Variants in ATF6B observed in about 807,000 individuals in gnomAD.
ATF6B encodes activating transcription factor 6 beta.
A neutral mutation model predicts 83.5 loss-of-function variants in ATF6B; 50 were observed. The ratio of observed to expected loss-of-function variants is 0.60; its 90% CI spans 0.48 to 0.76. The LOEUF is 0.76. Ranked by LOEUF, ATF6B falls within the 30% of genes least tolerant of loss-of-function variation. The pLI is 0.00. For missense variants in ATF6B, 790 were observed against 893.8 expected, an observed-to-expected ratio of 0.88 and a Z score of 1.48; for synonymous variants, 344 against 362.8, an observed-to-expected ratio of 0.95 and a Z score of 0.59.
Position 32,115,921 on chromosome 6 carries a change from G to A in ATF6B, c.1930C>T (p.Gln644Ter). Residue 644 changes from glutamine to a stop codon, truncating the protein, a stop_gained, in exon 18 of 18, where the codon CAG (glutamine) becomes TAG (stop). Coordinates refer to ENST00000375203, the MANE Select transcript of ATF6B (RefSeq NM_004381.5). LOFTEE classifies it high-confidence loss of function. ...GAPGDYEEMM[Q>*]IECEVMDTRV... is the part of the protein sequence containing the mutation. ...GTGTCCATGACCTCACACTCGATCT[G>A]CATCATCTCCTCATAGTCCCCCGGG... 1 of 1,614,082 alleles carries A rather than the reference G, an allele frequency of 6.2e-7. No individual in the cohort carries two copies. The highest frequency in any genetic ancestry group is 8.5e-7 in the Non-Finnish European group (1 of 1,179,970).
In ATF6B at chr6:32,115,935, T is replaced by C; in HGVS notation, c.1916A>G (p.Tyr639Cys). Residue 639 changes from tyrosine (Y) to cysteine (C), a missense_variant, in exon 18 of 18, where the codon TAT becomes TGT. Tyr to Cys is a radical substitution (Grantham distance 194). This residue lies in a region of ATF6B where 530 missense variants were observed against 632.6 expected (regional missense o/e 0.84). Coordinates refer to ENST00000375203, the MANE Select transcript of ATF6B (RefSeq NM_004381.5). ...TLSGRGAPGD[Y>C]EEMMQIECEV... is the part of the protein sequence containing the mutation. ...ACACTCGATCTGCATCATCTCCTCA[T>C]AGTCCCCCGGGGCCCCACGGCCTGA... The C allele has an allele frequency of 6.2e-7, 1 of 1,613,972 alleles. No homozygotes were observed. The highest frequency in any genetic ancestry group is 1.1e-5 in the South Asian group (1 of 91,026).
chr6:32,116,471 AAG>A lies in ATF6B; in HGVS notation c.1882+7_1882+8del, dbSNP rs1396462323. Reference sequence around the variant, plus strand: ...GAACTGCCCCCATACCCAGCAGGGAAAGAGTTACCATTGGGGGCCATGGCAGG... The same window carrying A: ...GAACTGCCCCCATACCCAGCAGGGAAAGTTACCATTGGGGGCCATGGCAGG... On this transcript the variant is annotated splice_region_variant and intron_variant, in intron 17 of 17. Transcript: ENST00000375203. The surrounding 1 kb of genome is among the most constrained non-coding windows in gnomAD (Gnocchi z 5.1). 2.1e-5 allele frequency: 34 copies of A among 1,609,036 alleles called. No homozygotes were observed. The highest frequency in any genetic ancestry group is 2.7e-5 in the Non-Finnish European group (32 of 1,176,928).
chr6:32,117,340 T>G lies in ATF6B; in HGVS notation c.1597A>C (p.Arg533=), dbSNP rs1475117749. The part of the protein sequence containing the change: ...HQRGRRKIPQ[R]AQERQKSQPR... The stretch of plus-strand genomic sequence containing the variant: ...CGCCCTACCTGTCTCTCCTGGGCCC[T>G]CTGAGGGATCTTCCTCCGGCCTCTC... Residue 533 remains arginine (R), a synonymous_variant, in exon 14 of 18, where the codon AGG becomes CGG. Transcript: ENST00000375203. This position sits in a 1 kb window ranked among gnomAD's most constrained non-coding sequence, Gnocchi z 5.0. 1 of 1,613,974 alleles carries G rather than the reference T, an allele frequency of 6.2e-7. No individual in the cohort carries two copies. Among genetic ancestry groups the G allele is most frequent in the Non-Finnish European group, 8.5e-7 (1 of 1,179,930 alleles).
chr6:32,123,327 T>C (rs777290397), intron 5 of ATF6B, among the ~76,000 whole-genome samples: 4 of 151,708 alleles, frequency 2.6e-5, no homozygotes, highest in Non-Finnish European at 5.9e-5. Flanking sequence ...CTCATGTCCA[T>C]TGAGGGTAAA....
At position 32,115,692 on chromosome 6, in the gene ATF6B, A is replaced by G; in HGVS notation, c.*47T>C. ...AAATTTGAAACAGTCCCACCTGGCCACCTGGTACCCCCTCCCCCCGTTCTA... is the reference window on the plus strand; with the variant it reads ...AAATTTGAAACAGTCCCACCTGGCCGCCTGGTACCCCCTCCCCCCGTTCTA... On this transcript the variant is annotated 3_prime_UTR_variant, in exon 18 of 18. Transcript: ENST00000375203. 1.3e-6 allele frequency: 2 copies of G among 1,497,376 alleles called. No homozygotes were observed. Among genetic ancestry groups the G allele is most frequent in the South Asian group, 1.3e-5 (1 of 76,174 alleles). The allele number at this position is 1,497,376 out of a possible 1,614,324, so 92.8% of individuals were successfully genotyped here. A position where few individuals can be genotyped will look rare whatever the true frequency, so the allele number is the denominator to read the frequency against.
Position 32,115,756 on chromosome 6 carries a change from A to G in ATF6B, c.2095T>C (p.Tyr699His), listed in dbSNP as rs1781500100. The change falls in exon 18 of 18, where the codon TAC becomes CAC. Residue 699 changes from tyrosine (Y) to histidine (H), a missense_variant. Coordinates refer to ENST00000375203, the MANE Select transcript of ATF6B (RefSeq NM_004381.5). Reference sequence around the variant, plus strand: ...GGCAGAGGTCAGGGATGATTGAGGTAGAGGGGCTGGTGGGAGGCCTGGTGG... The same window carrying G: ...GGCAGAGGTCAGGGATGATTGAGGTGGAGGGGCTGGTGGGAGGCCTGGTGG... ...QAHQASHQPLYLNHP is the reference protein window; with the variant it reads ...QAHQASHQPLHLNHP 1.2e-6 allele frequency: 2 copies of G among 1,604,470 alleles called. No homozygotes were observed. The highest frequency in any genetic ancestry group is 1.3e-5 in the African/African-American group (1 of 74,880).
In ATF6B at chr6:32,117,893, G is replaced by T; in HGVS notation, c.1390C>A (p.Pro464Thr). 1 of 1,577,314 alleles carries T rather than the reference G, an allele frequency of 6.3e-7. No homozygotes were observed. The highest frequency in any genetic ancestry group is 8.6e-7 in the Non-Finnish European group (1 of 1,164,972). ...LQGSSQGPKE[P>T]QPSPTDQPSF... The stretch of plus-strand genomic sequence containing the variant: ...GGCTGGTCTGTGGGGCTGGGCTGGG[G>T]CTCCTTAGGGCCCTGGGAGGACCCC... The change falls in exon 12 of 18, where the codon CCC becomes ACC. Residue 464 changes from proline to threonine, a missense_variant. Physicochemically the swap from Pro to Thr is conservative, Grantham distance 38. Around this residue, in one of 3 missense-constraint regions of ATF6B, gnomAD observed 530 missense variants for 632.6 expected, o/e 0.84. Coordinates refer to ENST00000375203, the MANE Select transcript of ATF6B (RefSeq NM_004381.5). This position sits in a 1 kb window ranked among gnomAD's most constrained non-coding sequence, Gnocchi z 5.0.
Position 32,118,319 on chromosome 6 carries a change from G to A in ATF6B, c.1245-281C>T, listed in dbSNP as rs184329444. Among the ~76,000 whole-genome samples, 33 of 152,244 alleles carry A rather than the reference G, an allele frequency of 2.2e-4. No individual in the cohort carries two copies. The highest frequency in any genetic ancestry group is 6.5e-4 in the Admixed American group (10 of 15,292). On this transcript the variant is annotated intron_variant, in intron 11 of 17. Transcript: ENST00000375203. The surrounding 1 kb of genome is among the most constrained non-coding windows in gnomAD (Gnocchi z 5.2). ...AAAATAATGGAGCAGGAGGCCGGGC[G>A]AGGTGGCTCAAGCCTGTAATCCTAG...
intron 5 of ATF6B, among the ~76,000 whole-genome samples, chr6:32,124,314 C>T (rs983158064): frequency 6.6e-6 from 1 of 152,194 alleles, no homozygotes; most frequent in Non-Finnish European, 1.5e-5. Context: ...CACCCACCCA[C>T]AGCCATCCTA....
Position 32,118,861 on chromosome 6 carries a change from G to A in ATF6B, c.1158C>T (p.Ser386=), listed in dbSNP as rs369365218. 6.8e-6 allele frequency: 11 copies of A among 1,614,072 alleles called. No individual in the cohort carries two copies. Among genetic ancestry groups the A allele is most frequent in the Admixed American group, 3.3e-5 (2 of 60,004 alleles). Residue 386 remains serine, a synonymous_variant, in exon 11 of 18, where the codon AGC becomes AGT. Coordinates refer to ENST00000375203, the MANE Select transcript of ATF6B (RefSeq NM_004381.5). This position sits in a 1 kb window ranked among gnomAD's most constrained non-coding sequence, Gnocchi z 5.2. ...RRLEALLAEN[S]ELKLGSGNRK... is the part of the protein sequence containing the mutation. Reference sequence around the variant, plus strand: ...TGTTTCCAGACCCTAACTTGAGCTCGCTGTTCTAAGGTACAAAGAAGGAGA... The same window carrying A: ...TGTTTCCAGACCCTAACTTGAGCTCACTGTTCTAAGGTACAAAGAAGGAGA...
In ATF6B at chr6:32,116,586, C is replaced by A; in HGVS notation, c.1798-22G>T. On this transcript the variant is annotated intron_variant, in intron 16 of 17. Transcript: ENST00000375203. This position sits in a 1 kb window ranked among gnomAD's most constrained non-coding sequence, Gnocchi z 5.1. ...GGTCCTGGGGAACAGATGGGCCAGG[C>A]CAGAAGGGTGGAGGCAAAGATGCCA... 1 of 1,597,694 alleles carries A rather than the reference C, an allele frequency of 6.3e-7. No individual in the cohort carries two copies. The highest frequency in any genetic ancestry group is 8.5e-7 in the Non-Finnish European group (1 of 1,170,222).
rs1054055536 is a variant in ATF6B, at chr6:32,125,605, C to T, written c.478+512G>A. On this transcript the variant is annotated intron_variant, in intron 5 of 17. Coordinates refer to ENST00000375203, the MANE Select transcript of ATF6B (RefSeq NM_004381.5). The surrounding 1 kb of genome is among the most constrained non-coding windows in gnomAD (Gnocchi z 4.1). ...TGAAACCCCATCTCTACTAAAAATACAAAAAATTAGCTGGGCGTGGTGGTG... is the reference window on the plus strand; with the variant it reads ...TGAAACCCCATCTCTACTAAAAATATAAAAAATTAGCTGGGCGTGGTGGTG... Among the ~76,000 whole-genome samples, 3 of 151,950 alleles carry T rather than the reference C, an allele frequency of 2.0e-5. No individual in the cohort carries two copies. Among genetic ancestry groups the T allele is most frequent in the Admixed American group, 1.3e-4 (2 of 15,234 alleles).
In ATF6B at chr6:32,115,979, G is replaced by C. The variant is rs1430830280; in HGVS notation, c.1883-11C>G. The C allele has an allele frequency of 6.2e-7, 1 of 1,607,604 alleles. No homozygotes were observed. Among genetic ancestry groups the C allele is most frequent in the Non-Finnish European group, 8.5e-7 (1 of 1,175,122 alleles). ...GGCCTGACAGGGTCTCTGTGAGAAG[G>C]GGAGAGTTAAGGAAGAGGAGATGGG... On this transcript the variant is annotated splice_polypyrimidine_tract_variant and intron_variant, in intron 17 of 17. Transcript: ENST00000375203.
Position 32,127,752 on chromosome 6 carries a change from T to C in ATF6B, c.92-2A>G. ...CTAGGCCAGAATACAAGGTGCTGTC[T>C]GCAAGAAATGCTGAGCGTCGGGGGG... On this transcript the variant is annotated splice_acceptor_variant, in intron 1 of 17. Coordinates refer to ENST00000375203, the MANE Select transcript of ATF6B (RefSeq NM_004381.5). LOFTEE classifies it high-confidence loss of function. The C allele has an allele frequency of 1.2e-6, 2 of 1,614,136 alleles. No individual in the cohort carries two copies. The highest frequency in any genetic ancestry group is 1.7e-6 in the Non-Finnish European group (2 of 1,180,000).
At position 32,127,743 on chromosome 6, in the gene ATF6B, G is replaced by A; in HGVS notation, c.99C>T (p.Thr33=). The change falls in exon 2 of 18, where the codon ACC becomes ACT. Residue 33 remains threonine (T), a synonymous_variant. Transcript: ENST00000375203. ...SPEDWGLQNS[T]LYSGLDEVAE... ...CCACTTCATCTAGGCCAGAATACAA[G>A]GTGCTGTCTGCAAGAAATGCTGAGC... is the stretch of plus-strand genomic sequence containing the variant. 6.2e-7 allele frequency: 1 copy of A among 1,614,164 alleles called. No homozygotes were observed. Among genetic ancestry groups the A allele is most frequent in the South Asian group, 1.1e-5 (1 of 91,088 alleles).
intron 5 of ATF6B, among the ~76,000 whole-genome samples, chr6:32,124,208 A>G (rs1781875317): frequency 6.6e-6 from 1 of 152,096 alleles, no homozygotes; most frequent in Non-Finnish European, 1.5e-5. Context: ...CATAACAACA[A>G]CAACAACAGA....
chr6:32,117,008 A>T lies in ATF6B; in HGVS notation c.1685+29T>A, dbSNP rs781766408. The T allele has an allele frequency of 9.9e-5, 159 of 1,608,574 alleles. No homozygotes were observed. The highest frequency in any genetic ancestry group is 1.3e-4 in the Non-Finnish European group (151 of 1,175,704). On this transcript the variant is annotated intron_variant, in intron 15 of 17. Coordinates refer to ENST00000375203, the MANE Select transcript of ATF6B (RefSeq NM_004381.5). This position sits in a 1 kb window ranked among gnomAD's most constrained non-coding sequence, Gnocchi z 5.0. ...AGCTCTTGAAAGTGGAATTTCACTTAATAAGTAAGCACCCCACCCCACACT... is the reference window on the plus strand; with the variant it reads ...AGCTCTTGAAAGTGGAATTTCACTTTATAAGTAAGCACCCCACCCCACACT...
At chr6:32,121,615 C>T (rs772603445) in intron 5 of ATF6B, among the ~76,000 whole-genome samples, 8 of 152,226 alleles carry the variant, frequency 5.3e-5, no homozygotes, top group Middle Eastern at 3.4e-3. Context: ...GCAGGAGAAT[C>T]GCTTGAACCT....
At position 32,117,240 on chromosome 6, in the gene ATF6B, C is replaced by T. The variant is rs1186741119; in HGVS notation, c.1614+83G>A. On this transcript the variant is annotated intron_variant, in intron 14 of 17. Transcript: ENST00000375203. This position sits in a 1 kb window ranked among gnomAD's most constrained non-coding sequence, Gnocchi z 5.0. ...CAAACGATCCCTCAAACTTCCACAGCGAGATGCCCACTAGAAATCCCCAGA... is the reference window on the plus strand; with the variant it reads ...CAAACGATCCCTCAAACTTCCACAGTGAGATGCCCACTAGAAATCCCCAGA... The T allele has an allele frequency of 1.2e-5, 18 of 1,551,712 alleles. No homozygotes were observed. Among genetic ancestry groups the T allele is most frequent in the East Asian group, 2.3e-5 (1 of 44,072 alleles).
Sources: allele counts gnomAD v4.1 joint callset (sites outside exome capture counted in the v4.1 genomes callset), GRCh38; gene constraint gnomAD v4.1.1; regional missense constraint gnomAD v4.1.1; non-coding constraint Gnocchi (gnomAD v3.1); transcripts MANE v1.5; gene names NCBI Gene and HGNC (gene_info 2026-07-23, HGNC 2026-07-21).